TOMM34: variants seen among roughly 807,000 people sequenced by gnomAD.
TOMM34 encodes the protein mitochondrial import receptor subunit TOM34.
In TOMM34, 24 loss-of-function variants were observed where a neutral mutation model predicts 37.4. That is an observed-to-expected ratio of 0.64 (90% CI 0.46 to 0.90). TOMM34 has a LOEUF of 0.90. TOMM34 is among the 40% of genes least tolerant of loss of function. The pLI is 0.00. For synonymous variants in TOMM34, 154 were observed against 148.9 expected (o/e 1.03, Z -0.25); for missense variants, 304 against 375.6 (o/e 0.81, Z 1.58).
intron 1 of TOMM34, among the ~76,000 whole-genome samples, chr20:44,957,367 T>C (rs1022427038): frequency 6.6e-6 from 1 of 152,044 alleles, no homozygotes; most frequent in African/African-American, 2.4e-5. Flanking sequence ...AGAGACAGGG[T>C]TTCACTATGT....
At chr20:44,956,204 C>T (rs940246727) in intron 2 of TOMM34, among the ~76,000 whole-genome samples, 182 bp downstream of exon 2, 1 of 152,206 alleles carries the variant, frequency 6.6e-6, no homozygotes, top group Non-Finnish European at 1.5e-5. Flanking sequence ...ATGCAAGTCA[C>T]GGGCCATAAG....
chr20:44,955,079 T>G lies in TOMM34; in HGVS notation c.369A>C (p.Glu123Asp). Residue 123 changes from glutamate (E) to aspartate (D), a missense_variant, in exon 3 of 7, where the codon GAA (glutamate) becomes GAC (aspartate). Transcript: ENST00000372813. The stretch of plus-strand genomic sequence containing the variant: ...GGAATGGAGCTCACCTGTTGATGCC[T>G]TCTACGGCTGACGTCACATTATCAT... Reference protein sequence around the residue: ...QIDDNVTSAVEGINRMTRALM... With the variant: ...QIDDNVTSAVDGINRMTRALM... 2 of 1,614,126 alleles carry G rather than the reference T, an allele frequency of 1.2e-6. No individual in the cohort carries two copies. The highest frequency in any genetic ancestry group is 1.7e-6 in the Non-Finnish European group (2 of 1,179,988).
intron 1 of TOMM34, chr20:44,958,839 G>C (rs6103941): frequency 1.3e-5 from 2 of 152,034 alleles, no homozygotes; most frequent in African/African-American, 4.8e-5. Context: ...CATCAAGTAA[G>C]GCTGCCATGA....
intron 4 of TOMM34, 98 bp from the exon 5 acceptor site, chr20:44,948,975 T>A: frequency 6.9e-7 from 1 of 1,440,634 alleles, no homozygotes; most frequent in Non-Finnish European, 9.2e-7. Context: ...CTGACTACAA[T>A]CCTCTCTCCC....
Position 44,948,768 on chromosome 20 carries a change from GA to G in TOMM34, c.659del (p.Leu220ProfsTer21), listed in dbSNP as rs2067001889. On this transcript the variant is annotated frameshift_variant, in exon 5 of 7. Transcript: ENST00000372813. LOFTEE classifies it high-confidence loss of function. ...KKAIEKYSES[L>X]LCSNLESATY... is the part of the protein sequence containing the mutation. ...TGGCAGATTCCAGGTTACTACACAA[GA>G]GGCTTTCACTGTACTTCTCAATAGC... 1.2e-6 allele frequency: 2 copies of G among 1,613,974 alleles called. No homozygotes were observed.
At chr20:44,959,935 C>G in intron 1 of TOMM34, 2 of 985,404 alleles carry the variant, frequency 2.0e-6, no homozygotes, top group Non-Finnish European at 2.4e-6. Context: ...CAAATACTAA[C>G]TGAAAAATGA....
chr20:44,943,660 C>G, intron 5 of TOMM34, 81 bp from the exon 6 acceptor site: 1 of 1,589,262 alleles, frequency 6.3e-7, no homozygotes, highest in Non-Finnish European at 8.6e-7. Context: ...GAGAAGTGAT[C>G]TCCAATTTGC....
At chr20:44,945,831 G>A (rs1230128238) in intron 5 of TOMM34, among the ~76,000 whole-genome samples, 1 of 151,998 alleles carries the variant, frequency 6.6e-6, no homozygotes, top group Admixed American at 6.6e-5. Context: ...TAGAATAGTA[G>A]CCCGTTTTAA....
At position 44,956,595 on chromosome 20, in the gene TOMM34, A is replaced by G. The variant is rs1395564174; in HGVS notation, c.128-110T>C. 8 of 1,003,234 alleles carry G rather than the reference A, an allele frequency of 8.0e-6. 1 individual carries two copies. In the South Asian group the frequency reaches 1.1e-4, roughly 14 times the overall value. The allele number at this position is 1,003,234 out of a possible 1,614,324, so 62.1% of individuals were successfully genotyped here. ...TGGGCCTTGTGTTAAGGCAGTAGAGATAACTATAACCTGTTCAGGCTTGTT... is the reference window on the plus strand; with the variant it reads ...TGGGCCTTGTGTTAAGGCAGTAGAGGTAACTATAACCTGTTCAGGCTTGTT... On this transcript the variant is annotated intron_variant, in intron 1 of 6. Transcript: ENST00000372813.
intron 3 of TOMM34, among the ~76,000 whole-genome samples, chr20:44,953,062 C>T (rs1369858337): frequency 6.6e-6 from 1 of 152,102 alleles, no homozygotes; most frequent in Non-Finnish European, 1.5e-5. Flanking sequence ...GCTCTGGATC[C>T]CATCTCCTCT....
rs1426722364 is a variant in TOMM34 at position 44,956,085 on chromosome 20, G to A, written c.227+301C>T. On this transcript the variant is annotated intron_variant, in intron 2 of 6. Transcript: ENST00000372813. ...AAGCACCTGGGCAAGCCAGTTACTG[G>A]TCTGCCACTCCACCTTATTCCCAGG... is the stretch of plus-strand genomic sequence containing the variant. Among the ~76,000 whole-genome samples the A allele has an allele frequency of 2.0e-5, 3 of 152,002 alleles. No homozygotes were observed. In the East Asian group the frequency reaches 5.8e-4, roughly 29 times the overall value.
intron 6 of TOMM34, 43 bp downstream of exon 6, chr20:44,943,410 T>C (rs2066952609): frequency 2.5e-6 from 4 of 1,613,372 alleles, no homozygotes; most frequent in African/African-American, 2.7e-5. Context: ...GGCATAAATC[T>C]CTGTAGCTAT....
At chr20:44,946,891 G>A (rs958902327) in intron 5 of TOMM34, among the ~76,000 whole-genome samples, 2 of 152,254 alleles carry the variant, frequency 1.3e-5, no homozygotes, top group South Asian at 2.1e-4. Context: ...AAAATGATCC[G>A]AAGCTTTAGC....
chr20:44,959,463 C>A (rs1231098331), intron 1 of TOMM34, among the ~76,000 whole-genome samples: 1 of 152,118 alleles, frequency 6.6e-6, no homozygotes, highest in Non-Finnish European at 1.5e-5. Context: ...GCCAAGCTTC[C>A]AGTTTGGCAT....
intron 1 of TOMM34, among the ~76,000 whole-genome samples, chr20:44,957,721 C>T (rs1236758251): frequency 6.6e-6 from 1 of 152,114 alleles, no homozygotes; most frequent in Admixed American, 6.5e-5. Context: ...TAGCTCACTG[C>T]AGCCTCAAAC....
At chr20:44,949,291 T>C (rs987037269) in intron 4 of TOMM34, among the ~76,000 whole-genome samples, 2 of 152,156 alleles carry the variant, frequency 1.3e-5, no homozygotes, top group African/African-American at 4.8e-5. Flanking sequence ...TCTGAGAGTA[T>C]GTAAGAAAGT....
At chr20:44,954,964 T>C in intron 3 of TOMM34, 104 bp downstream of exon 3, 2 of 1,406,628 alleles carry the variant, frequency 1.4e-6, no homozygotes, top group South Asian at 1.6e-5. Context: ...TTTTTAAGTG[T>C]AGCCAAAGGG....
Position 44,943,398 on chromosome 20 carries a change from C to T in TOMM34, c.825+55G>A. 4.3e-6 allele frequency: 7 copies of T among 1,612,058 alleles called. No homozygotes were observed. The South Asian group carries it at 5.5e-5, about 13-fold the overall frequency. Reference sequence around the variant, plus strand: ...TGGCTACACCCTGTAAATGGTGACACTGGCATAAATCTCTGTAGCTATGTT... The same window carrying T: ...TGGCTACACCCTGTAAATGGTGACATTGGCATAAATCTCTGTAGCTATGTT... On this transcript the variant is annotated intron_variant, in intron 6 of 6. Transcript: ENST00000372813.
intron 5 of TOMM34, among the ~76,000 whole-genome samples, chr20:44,946,910 C>A (rs1376181023): frequency 1.3e-5 from 2 of 152,092 alleles, no homozygotes; most frequent in Non-Finnish European, 2.9e-5. Flanking sequence ...GCTAGAAGAA[C>A]AAACATGGGA....
Sources: gnomAD v4.1 joint callset for allele counts (sites outside exome capture counted in the v4.1 genomes callset) on GRCh38, gnomAD v4.1.1 for gene constraint, MANE v1.5 for transcripts, NCBI Gene and HGNC (gene_info 2026-07-23, HGNC 2026-07-21) for gene names.